The following NDOR1 variants were observed in gnomAD, a reference collection of about 807,000 sequenced individuals.
The protein encoded by NDOR1 is NADPH dependent diflavin oxidoreductase 1.
NDOR1 carries 61 observed loss-of-function variants against 67.2 expected under a neutral mutation model. The ratio of observed to expected loss-of-function variants is 0.91; its 90% CI spans 0.74 to 1.12. NDOR1 has a LOEUF of 1.12. NDOR1 is among the 50% of genes most tolerant of loss of function. NDOR1 has a pLI of 0.00. For missense variants in NDOR1, 878 were observed against 802.8 expected, an observed-to-expected ratio of 1.09 and a Z score of -1.13; for synonymous variants, 378 against 343.7, an observed-to-expected ratio of 1.10 and a Z score of -1.10.
At position 137,216,554 on chromosome 9, in the gene NDOR1, G is replaced by A. The variant is rs1026443404; in HGVS notation, c.*138G>A. On this transcript the variant is annotated 3_prime_UTR_variant, in exon 14 of 14. Coordinates refer to ENST00000684003, the MANE Select transcript of NDOR1 (RefSeq NM_014434.4). ...TCCTCTGGGAACAGCCAGCTCCCGA[G>A]CACAGCCGCACTCCTGTTGACCCTG... 11 of 1,117,242 alleles carry A rather than the reference G, an allele frequency of 9.8e-6. No individual in the cohort carries two copies. The highest frequency in any genetic ancestry group is 1.1e-5 in the Non-Finnish European group (9 of 805,618). 69.2% of individuals were successfully genotyped at this position (1,117,242 alleles called of 1,614,324 possible). A position where few individuals can be genotyped will look rare whatever the true frequency, so the allele number is the denominator to read the frequency against.
At position 137,214,690 on chromosome 9, in the gene NDOR1, AG is replaced by A. The variant is rs771187420; in HGVS notation, c.844+1del. On this transcript the variant is annotated frameshift_variant and splice_region_variant, in exon 7 of 14. Transcript: ENST00000684003. LOFTEE classifies it high-confidence loss of function. ...QLFMLQPREP[D>X]VSSPTRLPQP... is the part of the protein sequence containing the mutation. ...TCTTCATGCTGCAGCCGCGGGAGCC[AG>A]GTGAGCCCAGCCTCGGCCACCCTGA... 19 of 1,602,464 alleles carry A rather than the reference AG, an allele frequency of 1.2e-5. No individual in the cohort carries two copies. The South Asian group carries it at 2.1e-4, about 18-fold the overall frequency.
chr9:137,215,278 G>A (rs61466113), intron 9 of NDOR1, 76 bp downstream of exon 9: 189,190 of 1,550,554 alleles, frequency 0.12, 12,379 homozygotes, highest in Middle Eastern at 0.22. Flanking sequence ...TTTGTAAGCA[G>A]GGGCTGCCCT....
In NDOR1 at chr9:137,216,540, C is replaced by T. The variant is rs1252909019; in HGVS notation, c.*124C>T. 9.3e-6 allele frequency: 12 copies of T among 1,293,818 alleles called. No homozygotes were observed. The highest frequency in any genetic ancestry group is 1.5e-5 in the African/African-American group (1 of 66,978). 80.1% of individuals were successfully genotyped at this position (1,293,818 alleles called of 1,614,324 possible). ...GACCAGCCAGCTGGTCCTCTGGGAA[C>T]AGCCAGCTCCCGAGCACAGCCGCAC... On this transcript the variant is annotated 3_prime_UTR_variant, in exon 14 of 14. Transcript: ENST00000684003.
At position 137,212,829 on chromosome 9, in the gene NDOR1, C is replaced by T. The variant is rs924141042; in HGVS notation, c.311+230C>T. On this transcript the variant is annotated intron_variant, in intron 3 of 13. Transcript: ENST00000684003. This position sits in a 1 kb window ranked among gnomAD's most constrained non-coding sequence, Gnocchi z 4.3. ...GTGGCAAAGGGCTGGGCTCCAGCCA[C>T]GCTGACGTCACACAGGCCTACCTGG... 4.5e-5 allele frequency: 24 copies of T among 537,366 alleles called. No homozygotes were observed. Among genetic ancestry groups the T allele is most frequent in the African/African-American group, 2.5e-4 (13 of 52,674 alleles). The allele number at this position is 537,366 out of a possible 1,614,324, so 33.3% of individuals were successfully genotyped here.
Position 137,215,415 on chromosome 9 carries a change from C to T in NDOR1, c.1182C>T (p.Pro394=), listed in dbSNP as rs201888725. Residue 394 remains proline (P), a synonymous_variant, in exon 10 of 14, where the codon CCC becomes CCT. Transcript: ENST00000684003. The part of the protein sequence containing the change: ...FSIASSLLTH[P]SRLQILVAVV... ...CCCGCCGTCCTCCCCAGACTCACCCCTCACGGCTGCAGATCCTCGTGGCTG... is the reference window on the plus strand; with the variant it reads ...CCCGCCGTCCTCCCCAGACTCACCCTTCACGGCTGCAGATCCTCGTGGCTG... 5 of 1,613,534 alleles carry T rather than the reference C, an allele frequency of 3.1e-6. No individual in the cohort carries two copies. In the African/African-American group the frequency reaches 6.7e-5, roughly 21 times the overall value.
Position 137,218,186 on chromosome 9 carries a change from A to G in NDOR1, c.*1770A>G. The G allele has an allele frequency of 5.0e-6, 2 of 398,252 alleles. No individual in the cohort carries two copies. Among genetic ancestry groups the G allele is most frequent in the Middle Eastern group, 6.3e-4 (1 of 1,588 alleles). 24.7% of individuals were successfully genotyped at this position (398,252 alleles called of 1,614,324 possible). ...GCACAGGCTGCTGGGCTCGGCCTCC[A>G]GTGCCGACCTGGGCCGGGTGCGCTG... On this transcript the variant is annotated 3_prime_UTR_variant, in exon 14 of 14. Transcript: ENST00000684003.
chr9:137,216,721 T>A lies in NDOR1; in HGVS notation c.*305T>A. 2.3e-6 allele frequency: 1 copy of A among 437,146 alleles called. No individual in the cohort carries two copies. Among genetic ancestry groups the A allele is most frequent in the Non-Finnish European group, 4.2e-6 (1 of 236,422 alleles). 27.1% of individuals were successfully genotyped at this position (437,146 alleles called of 1,614,324 possible). Reference sequence around the variant, plus strand: ...GGCCTGGGCCGCTCCACCTCACCGGTGCAGTGACCCAGGACGGCATCAGCA... The same window carrying A: ...GGCCTGGGCCGCTCCACCTCACCGGAGCAGTGACCCAGGACGGCATCAGCA... On this transcript the variant is annotated 3_prime_UTR_variant, in exon 14 of 14. Coordinates refer to ENST00000684003, the MANE Select transcript of NDOR1 (RefSeq NM_014434.4).
chr9:137,213,270 C>T (rs1025567154), intron 3 of NDOR1, among the ~76,000 whole-genome samples: 2 of 151,612 alleles, frequency 1.3e-5, no homozygotes, highest in African/African-American at 4.9e-5. Flanking sequence ...ACACAGTGTT[C>T]GTTCAAGAGA....
In NDOR1 at chr9:137,209,351, C is replaced by T. The variant is rs949801042; in HGVS notation, c.213+3042C>T. The stretch of plus-strand genomic sequence containing the variant: ...GGGGTTTCAGAGTGGAGCACAGGCA[C>T]GGGAGGGGAATGGTGGGATAGGGAA... On this transcript the variant is annotated intron_variant, in intron 2 of 13. Transcript: ENST00000684003. Among the ~76,000 whole-genome samples, 32 of 151,954 alleles carry T rather than the reference C, an allele frequency of 2.1e-4. 1 individual carries two copies. Among genetic ancestry groups the T allele is most frequent in the East Asian group, 1.9e-4 (1 of 5,166 alleles).
At chr9:137,206,099 A>G in intron 1 of NDOR1, 133 bp from the exon 2 acceptor site, 1 of 1,442,338 alleles carries the variant, frequency 6.9e-7, no homozygotes, top group Non-Finnish European at 9.7e-7. Flanking sequence ...AACCTGAAAG[A>G]GAAGACGGTC....
Position 137,216,511 on chromosome 9 carries a change from C to T in NDOR1, c.*95C>T. The T allele has an allele frequency of 6.8e-7, 1 of 1,461,888 alleles. No individual in the cohort carries two copies. The allele number at this position is 1,461,888 out of a possible 1,614,324, so 90.6% of individuals were successfully genotyped here. On this transcript the variant is annotated 3_prime_UTR_variant, in exon 14 of 14. Coordinates refer to ENST00000684003, the MANE Select transcript of NDOR1 (RefSeq NM_014434.4). ...GCTCCTGGCCAGCAGCCGTCATCCT[C>T]TCGGACCAGCCAGCTGGTCCTCTGG...
Position 137,212,739 on chromosome 9 carries a change from C to A in NDOR1, c.311+140C>A. Reference sequence around the variant, plus strand: ...CCTCGCAGTGGTACTGGCTTCTCCACAACGCTCCCTGGTGGGCACCCCAGG... The same window carrying A: ...CCTCGCAGTGGTACTGGCTTCTCCAAAACGCTCCCTGGTGGGCACCCCAGG... On this transcript the variant is annotated intron_variant, in intron 3 of 13. Transcript: ENST00000684003. The surrounding 1 kb of genome is among the most constrained non-coding windows in gnomAD (Gnocchi z 4.3). The A allele has an allele frequency of 1.4e-6, 1 of 736,050 alleles. No homozygotes were observed. The highest frequency in any genetic ancestry group is 2.3e-6 in the Non-Finnish European group (1 of 430,176). The allele number at this position is 736,050 out of a possible 1,614,324, so 45.6% of individuals were successfully genotyped here. A position where few individuals can be genotyped will look rare whatever the true frequency, so the allele number is the denominator to read the frequency against.
intron 2 of NDOR1, 101 bp downstream of exon 2, chr9:137,206,410 C>T (rs1273553202): frequency 1.7e-6 from 2 of 1,212,124 alleles, no homozygotes; most frequent in South Asian, 1.2e-5. Flanking sequence ...TCCTTTATCT[C>T]ATGCACCTTC....
rs1835764437 is a variant in NDOR1, at chr9:137,218,949, A to T, written c.*2533A>T. On this transcript the variant is annotated 3_prime_UTR_variant, in exon 14 of 14. Transcript: ENST00000684003. ...CGGGCACCGTACTGGCCACGGGCTG[A>T]CGCCGGCCACACTTCCCCTCCGAGG... The T allele has an allele frequency of 3.8e-6, 1 of 261,140 alleles. No individual in the cohort carries two copies. The highest frequency in any genetic ancestry group is 7.2e-6 in the Non-Finnish European group (1 of 138,496). 16.2% of individuals were successfully genotyped at this position (261,140 alleles called of 1,614,324 possible).
intron 6 of NDOR1, 31 bp downstream of exon 6, chr9:137,214,444 G>A (rs1274256667): frequency 1.3e-6 from 2 of 1,577,416 alleles, no homozygotes; most frequent in East Asian, 2.3e-5. Flanking sequence ...AGGAGGGCAA[G>A]GTGAGGTGGG....
At chr9:137,209,048 T>G (rs1479889812) in intron 2 of NDOR1, among the ~76,000 whole-genome samples, 1 of 151,622 alleles carries the variant, frequency 6.6e-6, no homozygotes, top group Non-Finnish European at 1.5e-5. Flanking sequence ...CCCAGCTAAT[T>G]TTTTGTATTT....
In NDOR1 at chr9:137,205,878, GC is replaced by G; in HGVS notation, c.102del (p.Cys35AlafsTer12). ...LGREARRRRL[G>X]CRVQALDSYP... ...CGCGAGGCCCGGCGCCGGCGGCTTG[GC>G]TGCCGGGTGCAGGCCCTGGACTCCT... On this transcript the variant is annotated frameshift_variant, in exon 1 of 14. Coordinates refer to ENST00000684003, the MANE Select transcript of NDOR1 (RefSeq NM_014434.4). LOFTEE classifies it high-confidence loss of function. The G allele has an allele frequency of 6.3e-7, 1 of 1,598,522 alleles. No individual in the cohort carries two copies. Among genetic ancestry groups the G allele is most frequent in the Non-Finnish European group, 8.5e-7 (1 of 1,178,002 alleles).
At position 137,212,698 on chromosome 9, in the gene NDOR1, C is replaced by A; in HGVS notation, c.311+99C>A. On this transcript the variant is annotated intron_variant, in intron 3 of 13. Transcript: ENST00000684003. The surrounding 1 kb of genome is among the most constrained non-coding windows in gnomAD (Gnocchi z 4.3). ...CGAGACCAGCTTCCAGGGTCGGCCC[C>A]TGCGCGCCTCAGGGCCCTCGCAGTG... 1 of 1,140,388 alleles carries A rather than the reference C, an allele frequency of 8.8e-7. No individual in the cohort carries two copies. Among genetic ancestry groups the A allele is most frequent in the Non-Finnish European group, 1.3e-6 (1 of 759,152 alleles). The allele number at this position is 1,140,388 out of a possible 1,614,324, so 70.6% of individuals were successfully genotyped here.
Position 137,215,216 on chromosome 9 carries a change from TG to T in NDOR1, c.1173+16del. 1 of 1,606,694 alleles carries T rather than the reference TG, an allele frequency of 6.2e-7. No individual in the cohort carries two copies. ...TCCTCGCTGCTGGTGAGGGGCCTGG[TG>T]GTTGGAGCCCAGGACCGGCCCTGGG... On this transcript the variant is annotated intron_variant, in intron 9 of 13. Transcript: ENST00000684003.
Sources: gnomAD v4.1 joint callset for allele counts (sites outside exome capture counted in the v4.1 genomes callset) on GRCh38, gnomAD v4.1.1 for gene constraint, Gnocchi (gnomAD v3.1) non-coding constraint, MANE v1.5 for transcripts, NCBI Gene and HGNC (gene_info 2026-07-23, HGNC 2026-07-21) for gene names.